The following VMP1 variants were observed in gnomAD, a reference collection of about 807,000 sequenced individuals.
VMP1 encodes ectopic P-granules autophagy protein 3 homolog.
VMP1 carries 11 observed loss-of-function variants against 56.0 expected under a neutral mutation model. The observed-to-expected ratio is 0.20, with a 90% confidence interval of 0.12 to 0.32. The LOEUF is 0.32. Among genes scored for constraint, VMP1 ranks in the 10% least tolerant of loss-of-function variants. The pLI is 1.00. For synonymous variants in VMP1, 149 were observed against 165.0 expected, an observed-to-expected ratio of 0.90 and a Z score of 0.74; for missense variants, 296 against 490.3, an observed-to-expected ratio of 0.60 and a Z score of 3.74.
intron 8 of VMP1, among the ~76,000 whole-genome samples, chr17:59,809,086 A>G (rs1208686804): frequency 6.7e-6 from 1 of 149,874 alleles, no homozygotes; most frequent in Non-Finnish European, 1.5e-5. Context: ...TGCAACCTCC[A>G]TCTCCTGGGC....
chr17:59,783,207 AAG>A (rs2036889662), intron 7 of VMP1, among the ~76,000 whole-genome samples: 1 of 152,150 alleles, frequency 6.6e-6, no homozygotes, highest in Non-Finnish European at 1.5e-5. Context: ...AAAAAACAAA[AAG>A]AAATTGTTGT....
intron 10 of VMP1, among the ~76,000 whole-genome samples, chr17:59,827,948 C>T (rs897024207): frequency 1.3e-5 from 2 of 150,828 alleles, no homozygotes; most frequent in African/African-American, 2.4e-5. Context: ...AAAAAGCTGC[C>T]ACTGGGGCCA....
intron 7 of VMP1, among the ~76,000 whole-genome samples, chr17:59,807,703 G>A (rs2037894541): frequency 1.3e-5 from 2 of 151,722 alleles, no homozygotes; most frequent in South Asian, 4.2e-4. Flanking sequence ...GTGGTGGCAG[G>A]TGCCTATGAT....
At chr17:59,710,712 T>C (rs2033884911) in intron 1 of VMP1, among the ~76,000 whole-genome samples, 1 of 152,216 alleles carries the variant, frequency 6.6e-6, no homozygotes, top group Admixed American at 6.5e-5. Context: ...GAGTTATCTT[T>C]CTGGCAAGTG....
intron 9 of VMP1, among the ~76,000 whole-genome samples, chr17:59,814,845 G>A (rs977577485): frequency 3.3e-5 from 5 of 152,108 alleles, no homozygotes; most frequent in Non-Finnish European, 4.4e-5. Context: ...GTGTTCCATC[G>A]TATCATAGTG....
At chr17:59,714,852 T>A (rs981918960) in intron 1 of VMP1, among the ~76,000 whole-genome samples, 2 of 152,136 alleles carry the variant, frequency 1.3e-5, no homozygotes, top group Non-Finnish European at 2.9e-5. Context: ...AGTAATTTTT[T>A]AATTTTTTTG....
rs530084900 is a variant in VMP1, at chr17:59,841,551, G to A, written c.*1640G>A. 50 of 200,622 alleles carry A rather than the reference G, an allele frequency of 2.5e-4. No homozygotes were observed. The highest frequency in any genetic ancestry group is 1.1e-3 in the African/African-American group (50 of 43,672). 12.4% of individuals were successfully genotyped at this position (200,622 alleles called of 1,614,324 possible). A position where few individuals can be genotyped will look rare whatever the true frequency, so the allele number is the denominator to read the frequency against. On this transcript the variant is annotated 3_prime_UTR_variant, in exon 12 of 12. Coordinates refer to ENST00000262291, the MANE Select transcript of VMP1 (RefSeq NM_030938.5). Reference sequence around the variant, plus strand: ...ATAAAGGAAAACTAAGCTGCATTGTGGGTTTTGAAAAGGTTATTATACTTC... The same window carrying A: ...ATAAAGGAAAACTAAGCTGCATTGTAGGTTTTGAAAAGGTTATTATACTTC...
intron 11 of VMP1, 37 bp downstream of exon 11, chr17:59,838,434 A>T: frequency 6.2e-7 from 1 of 1,604,220 alleles, no homozygotes; most frequent in Non-Finnish European, 8.5e-7. Flanking sequence ...CCCTCTGGGA[A>T]GTTTCGGGCT....
chr17:59,750,804 G>C (rs2035610873), intron 5 of VMP1, among the ~76,000 whole-genome samples: 1 of 151,524 alleles, frequency 6.6e-6, no homozygotes, highest in African/African-American at 2.4e-5. Context: ...TATCTACCTT[G>C]AACAAATTTT....
chr17:59,806,201 G>T (rs549247778), intron 7 of VMP1, among the ~76,000 whole-genome samples: 2 of 152,216 alleles, frequency 1.3e-5, no homozygotes, highest in East Asian at 3.9e-4. Flanking sequence ...TAGGATTAGT[G>T]AAAAGGAGCA....
intron 5 of VMP1, among the ~76,000 whole-genome samples, chr17:59,750,837 C>T (rs114243149): frequency 5.4e-4 from 81 of 148,798 alleles, no homozygotes; most frequent in African/African-American, 1.9e-3. Flanking sequence ...GTGCAAGTTA[C>T]AAATTTCATT....
intron 7 of VMP1, among the ~76,000 whole-genome samples, chr17:59,781,840 T>C (rs1427639312): frequency 6.6e-6 from 1 of 152,212 alleles, no homozygotes; most frequent in Non-Finnish European, 1.5e-5. Context: ...AAGATGCTCT[T>C]TGTCATATGC....
intron 8 of VMP1, among the ~76,000 whole-genome samples, chr17:59,809,585 C>T (rs981938966): frequency 1.5e-5 from 2 of 136,968 alleles, no homozygotes; most frequent in East Asian, 4.5e-4. Flanking sequence ...CGGCTCACTG[C>T]AAGCTCCGCC....
chr17:59,778,347 T>C (rs1248776300), intron 7 of VMP1, among the ~76,000 whole-genome samples: 2 of 151,952 alleles, frequency 1.3e-5, no homozygotes. Flanking sequence ...GAGACCATCC[T>C]GGCTAACACA....
intron 2 of VMP1, among the ~76,000 whole-genome samples, chr17:59,732,671 A>G (rs1420229895): frequency 4.6e-5 from 7 of 152,214 alleles, no homozygotes; most frequent in Admixed American, 6.5e-5. Flanking sequence ...AGAGATGGGC[A>G]TTGCATACAT....
chr17:59,816,903 G>A lies in VMP1; in HGVS notation c.913-809G>A, dbSNP rs897356557. On this transcript the variant is annotated intron_variant, in intron 9 of 11. Coordinates refer to ENST00000262291, the MANE Select transcript of VMP1 (RefSeq NM_030938.5). Reference sequence around the variant, plus strand: ...GGAGGTTGTAGTGAGCCAAGATGGCGCCACTGCACTCCAGCCTGGGCAACA... The same window carrying A: ...GGAGGTTGTAGTGAGCCAAGATGGCACCACTGCACTCCAGCCTGGGCAACA... Among the ~76,000 whole-genome samples the A allele has an allele frequency of 1.2e-4, 18 of 147,968 alleles. 1 individual carries two copies. The highest frequency in any genetic ancestry group is 3.6e-3 in the Middle Eastern group (1 of 280).
chr17:59,813,531 C>T lies in VMP1; in HGVS notation c.912+1745C>T, dbSNP rs569946209. ...GGTGGAGGTTGCGGTGAGCCGAGAT[C>T]GTGCCATTGCACTCCAGCCTGGGCA... On this transcript the variant is annotated intron_variant, in intron 9 of 11. Coordinates refer to ENST00000262291, the MANE Select transcript of VMP1 (RefSeq NM_030938.5). Among the ~76,000 whole-genome samples the T allele has an allele frequency of 3.6e-4, 54 of 149,560 alleles. 1 individual carries two copies. The South Asian group carries it at 0.011, about 31-fold the overall frequency.
intron 7 of VMP1, among the ~76,000 whole-genome samples, chr17:59,794,995 CTT>C (rs59397471): frequency 2.5e-5 from 3 of 121,210 alleles, no homozygotes; most frequent in Non-Finnish European, 1.6e-5. Context: ...CAGATTTGAT[CTT>C]TTTTTTTTTT....
chr17:59,735,137 A>G (rs1054999119), intron 2 of VMP1, among the ~76,000 whole-genome samples: 1 of 151,916 alleles, frequency 6.6e-6, no homozygotes, highest in African/African-American at 2.4e-5. Flanking sequence ...GTCTTGAACT[A>G]CTGACCTCAA....
Sources: gnomAD v4.1 joint callset for allele counts (sites outside exome capture counted in the v4.1 genomes callset) on GRCh38, gnomAD v4.1.1 for gene constraint, MANE v1.5 for transcripts, NCBI Gene and HGNC (gene_info 2026-07-23, HGNC 2026-07-21) for gene names.